Variants in LRMDA observed in about 807,000 individuals in gnomAD.
The protein encoded by LRMDA is leucine rich melanocyte differentiation associated.
A neutral mutation model predicts 29.8 loss-of-function variants in LRMDA; 18 were observed. The ratio of observed to expected loss-of-function variants is 0.60; its 90% CI spans 0.42 to 0.90. The LOEUF (loss-of-function observed/expected upper bound fraction) is 0.90. LRMDA is among the 40% of genes least tolerant of loss of function. The probability of loss-of-function intolerance (pLI) is 0.00; values close to 1 mark genes in which losing one functional copy is unlikely to be tolerated. For missense variants in LRMDA, 273 were observed against 273.9 expected, an observed-to-expected ratio of 1.00 and a Z score of 0.02; for synonymous variants, 125 against 109.4, an observed-to-expected ratio of 1.14 and a Z score of -0.89.
chr10:75,924,034 G>A (rs1024233897), intron 2 of LRMDA, among the ~76,000 whole-genome samples: 9 of 152,160 alleles, frequency 5.9e-5, no homozygotes, highest in Non-Finnish European at 1.2e-4. Context: ...TATTCCTTTT[G>A]CTCTCATTGT....
chr10:76,223,220 G>A (rs917096240), intron 5 of LRMDA, among the ~76,000 whole-genome samples: 1 of 151,528 alleles, frequency 6.6e-6, no homozygotes, highest in Non-Finnish European at 1.5e-5. Context: ...TACATATGTA[G>A]CTAACCTGCA....
intron 6 of LRMDA, among the ~76,000 whole-genome samples, chr10:76,385,612 CTGTTT>C (rs1841650111): frequency 6.6e-6 from 1 of 152,214 alleles, no homozygotes; most frequent in African/African-American, 2.4e-5. Flanking sequence ...CTTGCTGCTT[CTGTTT>C]GGCCTGATTT....
At chr10:76,413,682 A>T (rs1201061848) in intron 6 of LRMDA, among the ~76,000 whole-genome samples, 1 of 152,188 alleles carries the variant, frequency 6.6e-6, no homozygotes, top group Admixed American at 6.5e-5. Context: ...TATAAAATTT[A>T]TCTATTTTAT....
chr10:75,645,428 CT>C (rs1394220013), intron 2 of LRMDA, among the ~76,000 whole-genome samples: 1 of 151,744 alleles, frequency 6.6e-6, no homozygotes, highest in Non-Finnish European at 1.5e-5. Flanking sequence ...TTTGAACTAC[CT>C]TGTGGGTGGT....
At chr10:75,508,930 G>A (rs922381918) in intron 2 of LRMDA, among the ~76,000 whole-genome samples, 2 of 152,272 alleles carry the variant, frequency 1.3e-5, no homozygotes, top group East Asian at 1.9e-4. Context: ...TTCACCTGGC[G>A]TGCATCTTAG....
chr10:75,520,823 C>G (rs1845347703), intron 2 of LRMDA, among the ~76,000 whole-genome samples: 1 of 152,232 alleles, frequency 6.6e-6, no homozygotes, highest in Admixed American at 6.5e-5. Context: ...ATGGTTTTAT[C>G]TACCTTTGGT....
At chr10:75,632,464 A>C (rs141939659) in intron 2 of LRMDA, among the ~76,000 whole-genome samples, 1 of 152,266 alleles carries the variant, frequency 6.6e-6, no homozygotes, top group East Asian at 1.9e-4. Flanking sequence ...TTACCATCTT[A>C]AGTTAGCCAA....
chr10:75,716,885 A>G (rs1875163), intron 2 of LRMDA, among the ~76,000 whole-genome samples: 5,835 of 152,308 alleles, frequency 0.038, 297 homozygotes, highest in African/African-American at 0.12. Flanking sequence ...AAAGTATGAT[A>G]TGAAAAATGA....
At position 76,243,431 on chromosome 10, in the gene LRMDA, A is replaced by C. The variant is rs140284376; in HGVS notation, c.517-80970A>C. Among the ~76,000 whole-genome samples the C allele has an allele frequency of 2.1e-3, 316 of 152,308 alleles. 1 individual carries two copies. Among genetic ancestry groups the C allele is most frequent in the African/African-American group, 7.3e-3 (304 of 41,576 alleles). On this transcript the variant is annotated intron_variant, in intron 5 of 6. Coordinates refer to ENST00000611255, the MANE Select transcript of LRMDA (RefSeq NM_001305581.2). The stretch of plus-strand genomic sequence containing the variant: ...CTTAAACTTATTAGTGGGTGGCTGT[A>C]GCTTACGTCGACACCAGCTAGCTAT...
chr10:76,248,766 G>A (rs1030660631), intron 5 of LRMDA, among the ~76,000 whole-genome samples: 4 of 152,186 alleles, frequency 2.6e-5, no homozygotes, highest in Non-Finnish European at 2.9e-5. Flanking sequence ...CTGCCACAGC[G>A]GAAGGCTTTG....
At chr10:75,644,960 G>A (rs183017214) in intron 2 of LRMDA, among the ~76,000 whole-genome samples, 12 of 150,540 alleles carry the variant, frequency 8.0e-5, no homozygotes, top group Non-Finnish European at 1.8e-4. Context: ...CTCTTTCTGG[G>A]TGCTTTCTCT....
At chr10:75,621,025 A>G (rs1277628849) in intron 2 of LRMDA, among the ~76,000 whole-genome samples, 2 of 152,094 alleles carry the variant, frequency 1.3e-5, no homozygotes, top group Non-Finnish European at 2.9e-5. Flanking sequence ...AGTCTAATGT[A>G]TCATTCTTAT....
At chr10:76,120,188 GA>G (rs1416469579) in intron 5 of LRMDA, among the ~76,000 whole-genome samples, 21 of 134,794 alleles carry the variant, frequency 1.6e-4, no homozygotes, top group Admixed American at 1.5e-3. Context: ...GGTATGTGTT[GA>G]TTTTTTTTTT....
intron 2 of LRMDA, among the ~76,000 whole-genome samples, chr10:75,816,749 G>A (rs759419998): frequency 9.9e-5 from 15 of 152,152 alleles, no homozygotes; most frequent in Non-Finnish European, 1.9e-4. Flanking sequence ...CCCAATCCTG[G>A]ATGTATAGCG....
intron 2 of LRMDA, among the ~76,000 whole-genome samples, chr10:75,617,447 C>T (rs1359944280): frequency 7.2e-5 from 11 of 152,162 alleles, no homozygotes; most frequent in East Asian, 1.9e-4. Context: ...TATGTTAAGT[C>T]GTTTTGTAAA....
chr10:76,229,796 C>T (rs555693859), intron 5 of LRMDA, among the ~76,000 whole-genome samples: 81 of 152,120 alleles, frequency 5.3e-4, no homozygotes, highest in Non-Finnish European at 9.0e-4. Context: ...TTTTTTATAG[C>T]TGCTCCAGGA....
At chr10:76,071,819 G>A (rs1406674633) in intron 5 of LRMDA, among the ~76,000 whole-genome samples, 4 of 152,234 alleles carry the variant, frequency 2.6e-5, no homozygotes, top group Non-Finnish European at 5.9e-5. Flanking sequence ...ATCTTGGGAA[G>A]CCTCAGGAGT....
At chr10:76,287,181 G>A (rs1840282511) in intron 5 of LRMDA, among the ~76,000 whole-genome samples, 1 of 135,088 alleles carries the variant, frequency 7.4e-6, no homozygotes, top group Non-Finnish European at 1.7e-5. Context: ...ACATTTTGGT[G>A]GTGAATCTGG....
chr10:75,745,426 G>C (rs1170110475), intron 2 of LRMDA, among the ~76,000 whole-genome samples: 2 of 151,670 alleles, frequency 1.3e-5, no homozygotes, highest in African/African-American at 4.8e-5. Flanking sequence ...TCTAGACTTA[G>C]TCATTCTACA....
Sources: gnomAD v4.1 joint callset for allele counts (sites outside exome capture counted in the v4.1 genomes callset) on GRCh38, gnomAD v4.1.1 for gene constraint, MANE v1.5 for transcripts, NCBI Gene and HGNC (gene_info 2026-07-23, HGNC 2026-07-21) for gene names.